CDH18: variants seen among roughly 807,000 people sequenced by gnomAD.
CDH18 encodes cadherin 18.
CDH18 carries 31 observed loss-of-function variants against 67.9 expected under a neutral mutation model. That is an observed-to-expected ratio of 0.46 (90% CI 0.34 to 0.62). The LOEUF (loss-of-function observed/expected upper bound fraction) is 0.62. Among genes scored for constraint, CDH18 ranks in the 20% least tolerant of loss-of-function variants. The probability of loss-of-function intolerance (pLI) is 0.01; values close to 1 mark genes in which losing one functional copy is unlikely to be tolerated. For missense variants in CDH18, 890 were observed against 975.5 expected (o/e 0.91, Z 1.17); for synonymous variants, 362 against 347.2 (o/e 1.04, Z -0.48).
chr5:20,561,031 A>C (rs1758179422), intron 1 of CDH18, among the ~76,000 whole-genome samples: 1 of 152,116 alleles, frequency 6.6e-6, no homozygotes, highest in Non-Finnish European at 1.5e-5. Flanking sequence ...ATATCATTAG[A>C]GAAACGCAAA....
At chr5:19,975,795 G>A (rs1157867917) in intron 2 of CDH18, among the ~76,000 whole-genome samples, 1 of 152,124 alleles carries the variant, frequency 6.6e-6, no homozygotes, top group Non-Finnish European at 1.5e-5. Context: ...CTAGGATGCT[G>A]ACAAAGTGTC....
chr5:20,263,984 T>C (rs182418841), intron 1 of CDH18, among the ~76,000 whole-genome samples: 34 of 152,274 alleles, frequency 2.2e-4, no homozygotes, highest in Non-Finnish European at 4.3e-4. Context: ...ATATCTATTC[T>C]ACTCATACAT....
intron 2 of CDH18, among the ~76,000 whole-genome samples, chr5:19,953,538 A>C (rs1795993941): frequency 6.6e-6 from 1 of 152,080 alleles, no homozygotes; most frequent in South Asian, 2.1e-4. Flanking sequence ...AAATAAAGTA[A>C]AAAATAAAAT....
chr5:20,015,803 G>A (rs960084309), intron 2 of CDH18, among the ~76,000 whole-genome samples: 1 of 152,076 alleles, frequency 6.6e-6, no homozygotes, highest in Non-Finnish European at 1.5e-5. Context: ...TAATCAAGAT[G>A]TAGGTGTTTT....
chr5:19,611,133 G>A lies in CDH18; in HGVS notation c.811+1301C>T, dbSNP rs572633930. The stretch of plus-strand genomic sequence containing the variant: ...ACCTAAGTTCGCAAAACAATTAAGC[G>A]TCTTCCTAGAGGATCTCATAAGTGG... On this transcript the variant is annotated intron_variant, in intron 6 of 12. Coordinates refer to ENST00000382275, the MANE Select transcript of CDH18 (RefSeq NM_004934.5). Among the ~76,000 whole-genome samples, 249 of 152,232 alleles carry A rather than the reference G, an allele frequency of 1.6e-3. 1 individual carries two copies. Among genetic ancestry groups the A allele is most frequent in the African/African-American group, 5.8e-3 (240 of 41,548 alleles).
intron 1 of CDH18, among the ~76,000 whole-genome samples, chr5:20,415,727 G>C (rs760992862): frequency 1.1e-3 from 170 of 152,126 alleles, no homozygotes; most frequent in African/African-American, 4.0e-3. Context: ...GGCTGAGATT[G>C]CGCCACTGCT....
At chr5:19,952,436 G>C (rs568514278) in intron 2 of CDH18, among the ~76,000 whole-genome samples, 1 of 152,182 alleles carries the variant, frequency 6.6e-6, no homozygotes, top group Admixed American at 6.6e-5. Flanking sequence ...CCAAGAGTCT[G>C]GTTAACTGAT....
intron 1 of CDH18, among the ~76,000 whole-genome samples, chr5:20,378,975 A>T (rs1743688412): frequency 6.6e-6 from 1 of 152,156 alleles, no homozygotes; most frequent in Admixed American, 6.5e-5. Flanking sequence ...AAGATTGCAC[A>T]TACTACAAGT....
intron 2 of CDH18, among the ~76,000 whole-genome samples, chr5:20,135,624 C>T (rs576208864): frequency 6.6e-6 from 1 of 152,174 alleles, no homozygotes; most frequent in South Asian, 2.1e-4. Flanking sequence ...TATTTATTGG[C>T]TTCTGCTAGC....
chr5:20,082,779 C>T (rs749098426), intron 2 of CDH18, among the ~76,000 whole-genome samples: 13 of 152,216 alleles, frequency 8.5e-5, no homozygotes, highest in South Asian at 2.1e-4. Context: ...CAAACATATG[C>T]GGAGAAAGAC....
intron 1 of CDH18, among the ~76,000 whole-genome samples, chr5:20,263,906 T>C (rs1297937533): frequency 6.6e-6 from 1 of 152,134 alleles, no homozygotes; most frequent in African/African-American, 2.4e-5. Context: ...GAAAAGGTTA[T>C]GGTATTTTAA....
chr5:20,245,898 A>T (rs1052659351), intron 2 of CDH18, among the ~76,000 whole-genome samples: 1 of 152,106 alleles, frequency 6.6e-6, no homozygotes, highest in Non-Finnish European at 1.5e-5. Flanking sequence ...TAATGTTAAC[A>T]TGATTTTTGC....
chr5:20,120,552 G>T (rs1015404758), intron 2 of CDH18, among the ~76,000 whole-genome samples: 1 of 152,112 alleles, frequency 6.6e-6, no homozygotes, highest in South Asian at 2.1e-4. Context: ...AAACAAAATA[G>T]AGAAAGGGAG....
chr5:19,619,313 AT>A (rs1750336657), intron 5 of CDH18, among the ~76,000 whole-genome samples: 1 of 152,232 alleles, frequency 6.6e-6, no homozygotes, highest in South Asian at 2.1e-4. Context: ...GTTCAATGAT[AT>A]GGAAACAGAT....
intron 1 of CDH18, among the ~76,000 whole-genome samples, chr5:20,499,217 G>A (rs750626527): frequency 4.2e-4 from 64 of 152,108 alleles, no homozygotes; most frequent in Non-Finnish European, 4.9e-4. Flanking sequence ...TCAAGTCCAT[G>A]ATATAAAATG....
chr5:20,509,871 T>C (rs966840864), intron 1 of CDH18, among the ~76,000 whole-genome samples: 7 of 152,228 alleles, frequency 4.6e-5, no homozygotes, highest in African/African-American at 1.7e-4. Flanking sequence ...ATCTGTGTCT[T>C]TGGCATATTG....
intron 3 of CDH18, among the ~76,000 whole-genome samples, chr5:19,786,759 G>C (rs888893717): frequency 3.3e-5 from 5 of 151,930 alleles, no homozygotes; most frequent in Non-Finnish European, 5.9e-5. Context: ...GAAAATCCTA[G>C]AATCTTAGTA....
chr5:20,436,620 A>C (rs1049479831), intron 1 of CDH18, among the ~76,000 whole-genome samples: 2 of 151,388 alleles, frequency 1.3e-5, no homozygotes, highest in Admixed American at 1.3e-4. Flanking sequence ...ATAAACATGT[A>C]TATATGTGTA....
At chr5:20,115,196 G>T (rs1022015809) in intron 2 of CDH18, among the ~76,000 whole-genome samples, 1 of 146,324 alleles carries the variant, frequency 6.8e-6, no homozygotes, top group African/African-American at 2.5e-5. Context: ...GATGGAAAAA[G>T]AGCAAGCTCT....
Sources: gnomAD v4.1 joint callset for allele counts (sites outside exome capture counted in the v4.1 genomes callset) on GRCh38, gnomAD v4.1.1 for gene constraint, MANE v1.5 for transcripts, NCBI Gene and HGNC (gene_info 2026-07-23, HGNC 2026-07-21) for gene names.